PKIG: variants seen among roughly 807,000 people sequenced by gnomAD.
PKIG encodes the protein protein kinase (cAMP-dependent, catalytic) inhibitor gamma.
PKIG carries 1 observed loss-of-function variant against 6.8 expected under a neutral mutation model. The ratio of observed to expected loss-of-function variants is 0.15; its 90% CI spans 0.05 to 0.69. The LOEUF (loss-of-function observed/expected upper bound fraction) is 0.69. Ranked by LOEUF, PKIG falls within the 30% of genes least tolerant of loss-of-function variation. PKIG has a pLI of 0.82. For synonymous variants in PKIG, 39 were observed against 43.0 expected (o/e 0.91, Z 0.36); for missense variants, 77 against 104.0 (o/e 0.74, Z 1.13).
At chr20:44,540,494 T>C (rs1372136247) in intron 1 of PKIG, among the ~76,000 whole-genome samples, 1 of 152,206 alleles carries the variant, frequency 6.6e-6, no homozygotes, top group South Asian at 2.1e-4. Flanking sequence ...CCTGGTCAAA[T>C]TGAACTGGAT....
At chr20:44,536,400 T>C (rs2064512601) in intron 1 of PKIG, among the ~76,000 whole-genome samples, 2 of 152,136 alleles carry the variant, frequency 1.3e-5, no homozygotes, top group African/African-American at 4.8e-5. Context: ...TGAGGAAGTA[T>C]CTTCTTTAGG....
At chr20:44,572,105 G>A (rs2064858952) in intron 1 of PKIG, among the ~76,000 whole-genome samples, 2 of 152,332 alleles carry the variant, frequency 1.3e-5, no homozygotes. Flanking sequence ...CCGGGTTCAA[G>A]CAATTCTCCT....
chr20:44,538,188 C>T (rs758672298), intron 1 of PKIG, among the ~76,000 whole-genome samples: 1 of 152,156 alleles, frequency 6.6e-6, no homozygotes, highest in Non-Finnish European at 1.5e-5. Context: ...CAGAGCATTA[C>T]AGACAGAGGG....
chr20:44,613,076 A>G (rs2065233140), intron 2 of PKIG, among the ~76,000 whole-genome samples: 2 of 152,198 alleles, frequency 1.3e-5, no homozygotes, highest in Admixed American at 1.3e-4. Context: ...GCTCTTCTTT[A>G]TATATGTGGC....
intron 2 of PKIG, among the ~76,000 whole-genome samples, chr20:44,595,263 C>T (rs561875660): frequency 2.6e-5 from 4 of 152,298 alleles, no homozygotes; most frequent in South Asian, 4.1e-4. Flanking sequence ...CTGTAGCTTC[C>T]CTCAAACTCT....
Position 44,618,448 on chromosome 20 carries a change from T to G in PKIG, c.*84T>G. 2.2e-6 allele frequency: 2 copies of G among 911,012 alleles called. No homozygotes were observed. Among genetic ancestry groups the G allele is most frequent in the Non-Finnish European group, 3.7e-6 (2 of 544,452 alleles). The allele number at this position is 911,012 out of a possible 1,614,324, so 56.4% of individuals were successfully genotyped here. A position where few individuals can be genotyped will look rare whatever the true frequency, so the allele number is the denominator to read the frequency against. On this transcript the variant is annotated 3_prime_UTR_variant, in exon 4 of 4. Transcript: ENST00000372886. Reference sequence around the variant, plus strand: ...ACCCTGGCACTGGCCCAGCAGCCTCTTCTCTGAGCTCCATGTCCCAGATAA... The same window carrying G: ...ACCCTGGCACTGGCCCAGCAGCCTCGTCTCTGAGCTCCATGTCCCAGATAA...
intron 2 of PKIG, among the ~76,000 whole-genome samples, chr20:44,607,374 TATA>T (rs1469562752): frequency 0.045 from 5,182 of 114,120 alleles, 133 homozygotes; most frequent in African/African-American, 0.066. Context: ...TATATATATA[TATA>T]TTTTTTTTTT....
At chr20:44,578,779 A>G (rs535152450), upstream of PKIG, among the ~76,000 whole-genome samples, 3 of 152,292 alleles carry the variant, frequency 2.0e-5, no homozygotes, top group South Asian at 6.2e-4. Flanking sequence ...CAAATTAATC[A>G]ATCTGTGCCT....
chr20:44,614,790 C>T lies in PKIG; in HGVS notation c.151+83C>T, dbSNP rs1408626466. On this transcript the variant is annotated intron_variant, in intron 3 of 3. Transcript: ENST00000372886. This position sits in a 1 kb window ranked among gnomAD's most constrained non-coding sequence, Gnocchi z 4.6. Reference sequence around the variant, plus strand: ...GGGCTAGCCTCCAAGTCCTAGACTGCCCATACTTTCTTAGAGAAGAAACCA... The same window carrying T: ...GGGCTAGCCTCCAAGTCCTAGACTGTCCATACTTTCTTAGAGAAGAAACCA... The T allele has an allele frequency of 6.4e-6, 9 of 1,401,594 alleles. No individual in the cohort carries two copies. Among genetic ancestry groups the T allele is most frequent in the African/African-American group, 1.4e-5 (1 of 70,436 alleles). The allele number at this position is 1,401,594 out of a possible 1,614,324, so 86.8% of individuals were successfully genotyped here.
intron 1 of PKIG, among the ~76,000 whole-genome samples, chr20:44,589,132 C>T (rs191217926): frequency 1.3e-4 from 20 of 151,910 alleles, no homozygotes; most frequent in African/African-American, 3.9e-4. Context: ...AAAATGTGCA[C>T]GTACACAAAT....
At chr20:44,553,874 G>A (rs2064690199) in intron 1 of PKIG, among the ~76,000 whole-genome samples, 1 of 152,048 alleles carries the variant, frequency 6.6e-6, no homozygotes, top group South Asian at 2.1e-4. Context: ...AAAAGGGTTA[G>A]TTAGGGGAAT....
At chr20:44,593,849 A>C (rs554629428) in intron 2 of PKIG, among the ~76,000 whole-genome samples, 2 of 152,276 alleles carry the variant, frequency 1.3e-5, no homozygotes, top group East Asian at 3.9e-4. Flanking sequence ...TAACATTTTT[A>C]TTTGTCATTC....
Position 44,602,999 on chromosome 20 carries a change from C to T in PKIG, c.-23-11535C>T, listed in dbSNP as rs115441712. On this transcript the variant is annotated intron_variant, in intron 2 of 3. Coordinates refer to ENST00000372886, the MANE Select transcript of PKIG (RefSeq NM_001281445.2). ...TTCAGCCACTGTTATGATGCAGGGCCGCACATTCTTTGCTCTTCTTTCCCT... is the reference window on the plus strand; with the variant it reads ...TTCAGCCACTGTTATGATGCAGGGCTGCACATTCTTTGCTCTTCTTTCCCT... Among the ~76,000 whole-genome samples the T allele has an allele frequency of 6.1e-3, 935 of 152,226 alleles. 7 individuals are homozygous for T. Among genetic ancestry groups the T allele is most frequent in the African/African-American group, 0.019 (800 of 41,554 alleles).
At chr20:44,546,570 TGAGACAGAGTC>T (rs2064616271) in intron 1 of PKIG, among the ~76,000 whole-genome samples, 2 of 151,536 alleles carry the variant, frequency 1.3e-5, no homozygotes, top group African/African-American at 4.9e-5. Flanking sequence ...CTTTTTTTTT[TGAGACAGAGTC>T]TTACTTTGTT....
At chr20:44,569,667 C>T (rs576898503) in intron 1 of PKIG, among the ~76,000 whole-genome samples, 41 of 152,004 alleles carry the variant, frequency 2.7e-4, no homozygotes, top group African/African-American at 9.7e-4. Context: ...AGTGCAGTGG[C>T]GCGATCTCGG....
intron 1 of PKIG, among the ~76,000 whole-genome samples, chr20:44,567,450 A>G (rs189464010): frequency 3.1e-4 from 47 of 152,114 alleles, no homozygotes; most frequent in East Asian, 1.9e-4. Flanking sequence ...TAAAACTCCT[A>G]ATTTTTCTTC....
intron 1 of PKIG, among the ~76,000 whole-genome samples, chr20:44,534,003 T>A (rs2064490889): frequency 6.6e-6 from 1 of 152,174 alleles, no homozygotes; most frequent in Non-Finnish European, 1.5e-5. Context: ...AAAGGTTCAA[T>A]ATAATATATC....
chr20:44,593,540 G>A (rs1024307854), intron 2 of PKIG, among the ~76,000 whole-genome samples: 1 of 152,252 alleles, frequency 6.6e-6, no homozygotes, highest in Admixed American at 6.5e-5. Context: ...TCAGTTATAT[G>A]TGGAATCTAA....
chr20:44,584,927 C>T (rs1425414974), intron 1 of PKIG, among the ~76,000 whole-genome samples: 1 of 152,022 alleles, frequency 6.6e-6, no homozygotes, highest in East Asian at 1.9e-4. Flanking sequence ...TCTCTTGGCA[C>T]TTCTAAAGCT....
Sources: allele counts gnomAD v4.1 joint callset (sites outside exome capture counted in the v4.1 genomes callset), GRCh38; gene constraint gnomAD v4.1.1; non-coding constraint Gnocchi (gnomAD v3.1); transcripts MANE v1.5; gene names NCBI Gene and HGNC (gene_info 2026-07-23, HGNC 2026-07-21).